Variants in SOX6 observed in about 807,000 individuals in gnomAD.
SOX6 encodes SRY-box transcription factor 6.
Under a neutral mutation model 97.8 loss-of-function variants are expected in SOX6, and 11 were observed. The ratio of observed to expected loss-of-function variants is 0.11; its 90% CI spans 0.07 to 0.19. The LOEUF (loss-of-function observed/expected upper bound fraction) is 0.19, where lower values mean the gene tolerates loss of function less well. Among genes scored for constraint, SOX6 ranks in the 10% least tolerant of loss-of-function variants. The pLI is 1.00. For missense variants in SOX6, 810 were observed against 1,039.5 expected (o/e 0.78, Z 3.04); for synonymous variants, 360 against 371.4 (o/e 0.97, Z 0.35).
chr11:16,075,284 T>G (rs1848326273), intron 9 of SOX6, among the ~76,000 whole-genome samples: 1 of 152,164 alleles, frequency 6.6e-6, no homozygotes, highest in South Asian at 2.1e-4. Flanking sequence ...TTGGGAGACC[T>G]CACAATCATG....
intron 4 of SOX6, among the ~76,000 whole-genome samples, chr11:16,533,669 T>C (rs1460665750): frequency 6.6e-6 from 1 of 152,064 alleles, no homozygotes; most frequent in Non-Finnish European, 1.5e-5. Flanking sequence ...CCTATTGGGA[T>C]GCACGTTTGA....
At chr11:16,318,787 C>A (rs543584024) in intron 2 of SOX6, 134 bp from the exon 3 acceptor site, 40 of 636,560 alleles carry the variant, frequency 6.3e-5, no homozygotes, top group Non-Finnish European at 8.1e-5. Flanking sequence ...AAATAAAATA[C>A]AAGTAACTTA....
intron 3 of SOX6, among the ~76,000 whole-genome samples, chr11:16,683,750 T>A (rs992123767): frequency 2.6e-5 from 4 of 152,062 alleles, no homozygotes; most frequent in African/African-American, 7.2e-5. Flanking sequence ...CTAATTAAAC[T>A]AAAGAGCTTC....
intron 3 of SOX6, among the ~76,000 whole-genome samples, chr11:16,626,907 A>T (rs1261477047): frequency 6.6e-6 from 1 of 152,194 alleles, no homozygotes; most frequent in Non-Finnish European, 1.5e-5. Context: ...GGTTTGGGGT[A>T]CAAATTATCC....
At chr11:16,164,428 T>C (rs926664659) in intron 6 of SOX6, among the ~76,000 whole-genome samples, 1 of 152,186 alleles carries the variant, frequency 6.6e-6, no homozygotes, top group African/African-American at 2.4e-5. Context: ...ATTTAACTGT[T>C]CAGTTTATAA....
intron 4 of SOX6, among the ~76,000 whole-genome samples, chr11:16,595,034 A>G (rs1376764694): frequency 6.6e-6 from 1 of 152,150 alleles, no homozygotes; most frequent in Non-Finnish European, 1.5e-5. Context: ...AAAATCTTAA[A>G]GGAAGATGTT....
At chr11:16,070,960 C>G (rs1278468192) in intron 9 of SOX6, among the ~76,000 whole-genome samples, 1 of 152,232 alleles carries the variant, frequency 6.6e-6, no homozygotes, top group African/African-American at 2.4e-5. Flanking sequence ...AGATCAGCAC[C>G]AGCACCATAG....
intron 3 of SOX6, among the ~76,000 whole-genome samples, chr11:16,288,561 T>C (rs934749109): frequency 6.6e-6 from 1 of 152,038 alleles, no homozygotes; most frequent in African/African-American, 2.4e-5. Context: ...ATTGGTACAT[T>C]CAAATATACT....
At position 16,457,337 on chromosome 11, in the gene SOX6, A is replaced by G. The variant is rs116631128; in HGVS notation, c.-5+18978T>C. Among the ~76,000 whole-genome samples the G allele has an allele frequency of 5.8e-3, 881 of 152,202 alleles. 12 individuals are homozygous for G. Among genetic ancestry groups the G allele is most frequent in the African/African-American group, 0.019 (790 of 41,536 alleles). On this transcript the variant is annotated intron_variant, in intron 1 of 15. Coordinates refer to the SOX6 transcript ENST00000396356. ...GCCATGGAAATAGGAAATAAATGTG[A>G]ACATCAGTTACACTCATGTATATTA...
chr11:16,567,875 A>G (rs1158769521), intron 4 of SOX6, among the ~76,000 whole-genome samples: 2 of 146,504 alleles, frequency 1.4e-5, no homozygotes, highest in Non-Finnish European at 3.0e-5. Flanking sequence ...GCACCTGGCC[A>G]TATTTTTTTT....
chr11:16,434,687 G>A (rs2133079467), intron 1 of SOX6, among the ~76,000 whole-genome samples: 1 of 152,174 alleles, frequency 6.6e-6, no homozygotes, highest in East Asian at 1.9e-4. Context: ...TTAGCCCTTA[G>A]CAGAATACGT....
intron 3 of SOX6, among the ~76,000 whole-genome samples, chr11:16,301,391 A>G (rs550016369): frequency 2.0e-5 from 3 of 152,334 alleles, no homozygotes; most frequent in East Asian, 3.9e-4. Flanking sequence ...AGAACAATAT[A>G]GTAGAGTATA....
At chr11:16,509,306 G>A (rs141445739) in intron 4 of SOX6, among the ~76,000 whole-genome samples, 18 of 151,756 alleles carry the variant, frequency 1.2e-4, no homozygotes, top group Admixed American at 1.1e-3. Context: ...ATGATATAAA[G>A]GTTATCTGGC....
intron 2 of SOX6, among the ~76,000 whole-genome samples, chr11:16,330,122 T>G (rs974569936): frequency 2.0e-5 from 3 of 152,174 alleles, no homozygotes; most frequent in Non-Finnish European, 4.4e-5. Context: ...ATATACTCAG[T>G]ACTGTCTGAA....
At chr11:16,484,004 G>A in intron 4 of SOX6, 2 of 833,296 alleles carry the variant, frequency 2.4e-6, no homozygotes. Context: ...TCCTCCAGGA[G>A]GCAAGGTCCT....
intron 6 of SOX6, among the ~76,000 whole-genome samples, chr11:16,131,248 C>A (rs1849732713): frequency 6.6e-6 from 1 of 151,644 alleles, no homozygotes; most frequent in Non-Finnish European, 1.5e-5. Context: ...AAAACTGGTA[C>A]AACTCAATAA....
chr11:16,343,727 G>C (rs184023433), intron 1 of SOX6, among the ~76,000 whole-genome samples: 3 of 152,008 alleles, frequency 2.0e-5, no homozygotes, highest in East Asian at 3.9e-4. Context: ...GGGAAGTTTA[G>C]AAATTACACG....
intron 2 of SOX6, among the ~76,000 whole-genome samples, chr11:16,735,985 T>C (rs775710330): frequency 3.3e-5 from 5 of 152,134 alleles, no homozygotes; most frequent in Non-Finnish European, 5.9e-5. Flanking sequence ...ACATGCTAAA[T>C]GTTGGGAAAA....
intron 4 of SOX6, among the ~76,000 whole-genome samples, chr11:16,589,747 A>G (rs150428540): frequency 3.5e-4 from 54 of 152,270 alleles, no homozygotes; most frequent in Non-Finnish European, 5.0e-4. Context: ...GTACTTTCAG[A>G]TGTTAAGCAA....
Sources: gnomAD v4.1 joint callset for allele counts (sites outside exome capture counted in the v4.1 genomes callset) on GRCh38, gnomAD v4.1.1 for gene constraint, MANE v1.5 for transcripts, NCBI Gene and HGNC (gene_info 2026-07-23, HGNC 2026-07-21) for gene names.